Variants in WDR7 observed in about 807,000 individuals in gnomAD.
WDR7 encodes the protein WD repeat domain 7, also known as WD repeat-containing protein 7.
A neutral mutation model predicts 169.4 loss-of-function variants in WDR7; 46 were observed. The observed-to-expected ratio is 0.27, with a 90% confidence interval of 0.21 to 0.35. The LOEUF is 0.35. WDR7 is among the 10% of genes least tolerant of loss of function. The pLI, the probability that WDR7 is intolerant of heterozygous loss-of-function variation, is 1.00. For synonymous variants in WDR7, 612 were observed against 666.8 expected (o/e 0.92, Z 1.27); for missense variants, 1,534 against 1,859.3 (o/e 0.83, Z 3.22).
At chr18:56,839,493 G>A (rs1205815820) in intron 20 of WDR7, among the ~76,000 whole-genome samples, 3 of 152,164 alleles carry the variant, frequency 2.0e-5, no homozygotes, top group African/African-American at 7.2e-5. Flanking sequence ...CGTCTATAAT[G>A]TTATTAAAAT....
intron 14 of WDR7, among the ~76,000 whole-genome samples, chr18:56,753,642 T>C (rs1191981063): frequency 7.2e-6 from 1 of 138,866 alleles, no homozygotes; most frequent in Non-Finnish European, 1.5e-5. Flanking sequence ...AAATTGTCAA[T>C]TGTGTATATC....
chr18:56,652,205 A>G (rs760387284), intron 1 of WDR7, among the ~76,000 whole-genome samples: 2 of 152,110 alleles, frequency 1.3e-5, no homozygotes, highest in Admixed American at 6.5e-5. Context: ...TTAGTATGTC[A>G]CTTTTTGAGG....
Position 56,869,999 on chromosome 18 carries a change from C to G in WDR7, c.3305-9945C>G, listed in dbSNP as rs567517411. 9.9e-5 allele frequency among the ~76,000 whole-genome samples: 15 copies of G among 152,242 alleles called. No individual in the cohort carries two copies. In the East Asian group the frequency reaches 2.1e-3, roughly 22 times the overall value. ...GAGCCTATGAAACCTGGATTCACCA[C>G]CAGGACAGCGAGATCTTGGGTCCTT... On this transcript the variant is annotated intron_variant, in intron 20 of 27. Coordinates refer to ENST00000254442, the MANE Select transcript of WDR7 (RefSeq NM_015285.3).
At chr18:56,963,264 T>G (rs1257307551) in intron 26 of WDR7, among the ~76,000 whole-genome samples, 1 of 152,158 alleles carries the variant, frequency 6.6e-6, no homozygotes, top group African/African-American at 2.4e-5. Context: ...CATGGTAAAT[T>G]TATAATGTTG....
intron 19 of WDR7, among the ~76,000 whole-genome samples, chr18:56,801,722 G>T (rs1363134391): frequency 6.6e-6 from 1 of 152,058 alleles, no homozygotes; most frequent in African/African-American, 2.4e-5. Flanking sequence ...TTTGGGTTTG[G>T]CTTCTTTCAC....
intron 19 of WDR7, among the ~76,000 whole-genome samples, chr18:56,790,432 A>G (rs1397051350): frequency 2.0e-5 from 3 of 152,100 alleles, no homozygotes; most frequent in Non-Finnish European, 4.4e-5. Context: ...TGGCCTTGTG[A>G]TCTGCATATG....
chr18:56,653,427 G>A (rs1434184550), intron 1 of WDR7, among the ~76,000 whole-genome samples: 1 of 152,054 alleles, frequency 6.6e-6, no homozygotes, highest in Non-Finnish European at 1.5e-5. Flanking sequence ...GGCTGGTCTC[G>A]AACTCCTGAC....
chr18:56,825,959 G>A (rs902494181), intron 20 of WDR7, among the ~76,000 whole-genome samples: 2 of 144,358 alleles, frequency 1.4e-5, no homozygotes, highest in East Asian at 2.1e-4. Flanking sequence ...TTTGAGTTTC[G>A]CATTAACTAT....
At chr18:56,770,887 G>T (rs1354301779) in intron 16 of WDR7, among the ~76,000 whole-genome samples, 1 of 151,934 alleles carries the variant, frequency 6.6e-6, no homozygotes, top group Non-Finnish European at 1.5e-5. Flanking sequence ...AATGGAAAGG[G>T]TCTATATTAT....
At chr18:56,962,371 T>A in intron 25 of WDR7, 59 bp from the exon 26 acceptor site, 1 of 1,416,314 alleles carries the variant, frequency 7.1e-7, no homozygotes, top group South Asian at 1.2e-5. Context: ...CACTTCCAAG[T>A]GCAGGTCATC....
At chr18:56,725,189 A>G (rs1182473122) in intron 13 of WDR7, among the ~76,000 whole-genome samples, 1 of 150,730 alleles carries the variant, frequency 6.6e-6, no homozygotes, top group African/African-American at 2.5e-5. Flanking sequence ...TGGCTGGGTC[A>G]AATGGTATTT....
At chr18:56,772,210 G>A (rs1482123478) in intron 16 of WDR7, among the ~76,000 whole-genome samples, 1 of 151,720 alleles carries the variant, frequency 6.6e-6, no homozygotes, top group Non-Finnish European at 1.5e-5. Context: ...ACTATATAGA[G>A]TACCTTTTCT....
intron 12 of WDR7, among the ~76,000 whole-genome samples, chr18:56,706,073 A>G (rs1258162859): frequency 6.6e-6 from 1 of 152,248 alleles, no homozygotes; most frequent in Non-Finnish European, 1.5e-5. Context: ...TCTAGCTGCA[A>G]TAGGATACTT....
chr18:57,023,261 C>T (rs2048315705), intron 27 of WDR7, among the ~76,000 whole-genome samples: 2 of 152,338 alleles, frequency 1.3e-5, no homozygotes, highest in Non-Finnish European at 2.9e-5. Context: ...TATTTAGATA[C>T]ATGTTGTTTC....
chr18:56,957,004 G>C (rs1324172121), intron 25 of WDR7, among the ~76,000 whole-genome samples: 1 of 152,152 alleles, frequency 6.6e-6, no homozygotes, highest in Non-Finnish European at 1.5e-5. Context: ...AATTTAAAAT[G>C]TACATATGCT....
intron 14 of WDR7, among the ~76,000 whole-genome samples, chr18:56,745,617 C>T (rs377749951): frequency 2.6e-5 from 4 of 152,100 alleles, no homozygotes; most frequent in South Asian, 4.2e-4. Flanking sequence ...CTCACTTGCC[C>T]GCCGCTCAGC....
At chr18:56,929,275 CAA>C (rs200441483) in intron 22 of WDR7, among the ~76,000 whole-genome samples, 1 of 145,868 alleles carries the variant, frequency 6.9e-6, no homozygotes, top group Non-Finnish European at 1.5e-5. Context: ...GACCCTGTCT[CAA>C]AAAAAAAAAT....
At chr18:56,959,370 T>C (rs907202129) in intron 25 of WDR7, among the ~76,000 whole-genome samples, 2 of 152,162 alleles carry the variant, frequency 1.3e-5, no homozygotes, top group East Asian at 1.9e-4. Context: ...TTTCAACTTA[T>C]TGGATGATGA....
At chr18:56,772,787 G>A (rs916041408) in intron 16 of WDR7, among the ~76,000 whole-genome samples, 13 of 151,800 alleles carry the variant, frequency 8.6e-5, no homozygotes, top group Admixed American at 8.5e-4. Context: ...TTGGTTAGGA[G>A]ATGTGGTTTG....
Sources: allele counts gnomAD v4.1 joint callset (sites outside exome capture counted in the v4.1 genomes callset), GRCh38; gene constraint gnomAD v4.1.1; transcripts MANE v1.5; gene names NCBI Gene and HGNC (gene_info 2026-07-23, HGNC 2026-07-21).